Variants in LDLRAD4 observed in about 807,000 individuals in gnomAD.
LDLRAD4 encodes the protein low density lipoprotein receptor class A domain containing 4, also known as low-density lipoprotein receptor class A domain-containing protein 4.
LDLRAD4 carries 5 observed loss-of-function variants against 17.0 expected under a neutral mutation model. The ratio of observed to expected loss-of-function variants is 0.29; its 90% confidence interval spans 0.15 to 0.62. LDLRAD4 has a LOEUF of 0.62. Among genes scored for constraint, LDLRAD4 ranks in the 20% least tolerant of loss-of-function variants. The pLI is 0.84. For synonymous variants in LDLRAD4, 168 were observed against 171.8 expected (o/e 0.98, Z 0.17); for missense variants, 340 against 424.7 (o/e 0.80, Z 1.75).
chr18:13,485,957 A>C (rs1384573572), intron 3 of LDLRAD4, among the ~76,000 whole-genome samples: 1 of 152,258 alleles, frequency 6.6e-6, no homozygotes, highest in East Asian at 1.9e-4. Context: ...TTAAAAATGC[A>C]AAAGGGTAAA....
chr18:13,440,284 G>A lies in LDLRAD4; in HGVS notation c.181+1900G>A, dbSNP rs1320635054. Among the ~76,000 whole-genome samples the A allele has an allele frequency of 1.3e-5, 2 of 151,880 alleles. No homozygotes were observed. The highest frequency in any genetic ancestry group is 2.4e-5 in the African/African-American group (1 of 41,352). ...CCTTCCTACCCTTCCCTCCTCCCTC[G>A]CTCCCTTTCTTGTCAGTATTCTTTC... On this transcript the variant is annotated intron_variant, in intron 3 of 5. Coordinates refer to ENST00000359446, the Ensembl canonical transcript of LDLRAD4. The surrounding 1 kb of genome is among the most constrained non-coding windows in gnomAD (Gnocchi z 4.4).
At chr18:13,233,538 A>G (rs1053153893) in intron 1 of LDLRAD4, among the ~76,000 whole-genome samples, 2 of 151,842 alleles carry the variant, frequency 1.3e-5, no homozygotes, top group Non-Finnish European at 2.9e-5. Context: ...TTTTATGGAA[A>G]CCTTCTCTAA....
intron 3 of LDLRAD4, among the ~76,000 whole-genome samples, chr18:13,608,773 C>T (rs1414335739): frequency 6.6e-6 from 1 of 152,206 alleles, no homozygotes; most frequent in African/African-American, 2.4e-5. Flanking sequence ...AAACGCTTAT[C>T]TGTAGGACTT....
chr18:13,276,041 T>C (rs10775420), upstream of LDLRAD4, among the ~76,000 whole-genome samples: 80,083 of 151,988 alleles, frequency 0.53, 21,573 homozygotes, highest in Middle Eastern at 0.59. Flanking sequence ...TAGGGTCTTA[T>C]TCTGTCGCCC....
chr18:13,612,809 G>C (rs1297308728), intron 3 of LDLRAD4: 3 of 1,612,890 alleles, frequency 1.9e-6, no homozygotes, highest in Non-Finnish European at 2.5e-6. Context: ...GATGATGCAT[G>C]CTCTTTCGGG....
At chr18:13,324,393 T>C (rs553972375) in intron 1 of LDLRAD4, among the ~76,000 whole-genome samples, 1 of 152,158 alleles carries the variant, frequency 6.6e-6, no homozygotes, top group African/African-American at 2.4e-5. Flanking sequence ...CCGCCTGCCT[T>C]GGCCTCCCAA....
chr18:13,453,570 A>G (rs1372863883), intron 3 of LDLRAD4, among the ~76,000 whole-genome samples: 1 of 152,174 alleles, frequency 6.6e-6, no homozygotes, highest in Non-Finnish European at 1.5e-5. Flanking sequence ...GACCTCTGTT[A>G]TTAACTTTAA....
At chr18:13,302,350 A>G (rs1310876376) in intron 1 of LDLRAD4, among the ~76,000 whole-genome samples, 11 of 152,212 alleles carry the variant, frequency 7.2e-5, no homozygotes, top group African/African-American at 2.7e-4. Context: ...CTCGATGATT[A>G]GTTTTCAGCA....
At chr18:13,343,432 A>G (rs1413449562) in intron 1 of LDLRAD4, among the ~76,000 whole-genome samples, 5 of 151,960 alleles carry the variant, frequency 3.3e-5, no homozygotes, top group Admixed American at 2.0e-4. Flanking sequence ...TTATGGCTGC[A>G]TAGTATTCCA....
intron 1 of LDLRAD4, among the ~76,000 whole-genome samples, chr18:13,376,124 G>A (rs368927116): frequency 1.2e-4 from 18 of 152,176 alleles, no homozygotes; most frequent in East Asian, 5.8e-4. Context: ...TGTCTGTTGC[G>A]GGAAAGCTGC....
chr18:13,321,924 A>AAT (rs2081267644), intron 1 of LDLRAD4, among the ~76,000 whole-genome samples: 1 of 140,546 alleles, frequency 7.1e-6, no homozygotes, highest in South Asian at 2.3e-4. Context: ...GAATAAAAAG[A>AAT]ATAAACACAC....
intron 3 of LDLRAD4, among the ~76,000 whole-genome samples, chr18:13,530,808 G>A (rs2094115327): frequency 6.6e-6 from 1 of 151,710 alleles, no homozygotes; most frequent in African/African-American, 2.4e-5. Context: ...CAGGAGGAAG[G>A]GGATGGGGGC....
chr18:13,420,969 G>A (rs1243057962), intron 2 of LDLRAD4: 2 of 152,254 alleles, frequency 1.3e-5, no homozygotes, highest in African/African-American at 4.8e-5. Context: ...GCCCAGCTGT[G>A]GTAATGGGAT....
intron 1 of LDLRAD4, among the ~76,000 whole-genome samples, chr18:13,320,228 T>C (rs2081144355): frequency 6.6e-6 from 1 of 152,224 alleles, no homozygotes; most frequent in Non-Finnish European, 1.5e-5. Flanking sequence ...GCAAGTCTTT[T>C]AGCTGCATCT....
chr18:13,486,700 C>A (rs1406724524), intron 3 of LDLRAD4: 1 of 152,180 alleles, frequency 6.6e-6, no homozygotes, highest in African/African-American at 2.4e-5. Context: ...GTGCATGTAT[C>A]AAAAGCTCAC....
chr18:13,514,465 A>T (rs2093832393), intron 3 of LDLRAD4: 1 of 152,190 alleles, frequency 6.6e-6, no homozygotes, highest in African/African-American at 2.4e-5. Flanking sequence ...CGTATAATTG[A>T]CCATGGATAT....
At position 13,381,137 on chromosome 18, in the gene LDLRAD4, G is replaced by A. The variant is rs1044013708; in HGVS notation, c.-382-6204G>A. On this transcript the variant is annotated intron_variant, in intron 1 of 5. Transcript: ENST00000359446. ...ATGTTGCCCAGGCTGGAGTGCAGTG[G>A]TGCAGTCACAGCTCACAGCAGCTTT... Among the ~76,000 whole-genome samples, 3 of 149,294 alleles carry A rather than the reference G, an allele frequency of 2.0e-5. No individual in the cohort carries two copies. The Admixed American group carries it at 2.0e-4, about 10-fold the overall frequency.
chr18:13,310,401 G>A (rs961711682), intron 1 of LDLRAD4, among the ~76,000 whole-genome samples: 8 of 152,142 alleles, frequency 5.3e-5, no homozygotes, highest in Admixed American at 6.5e-5. Context: ...AGGACATGCA[G>A]TTGGATAGAA....
At chr18:13,470,461 T>A (rs1272724636) in intron 3 of LDLRAD4, among the ~76,000 whole-genome samples, 4 of 150,820 alleles carry the variant, frequency 2.7e-5, no homozygotes, top group South Asian at 4.3e-4. Context: ...TTGGCCACCA[T>A]CCTTGTGGCA....
Sources: gnomAD v4.1 joint callset for allele counts (sites outside exome capture counted in the v4.1 genomes callset) on GRCh38, gnomAD v4.1.1 for gene constraint, Gnocchi (gnomAD v3.1) non-coding constraint, MANE v1.5 for transcripts, NCBI Gene and HGNC (gene_info 2026-07-23, HGNC 2026-07-21) for gene names.